The following F11R variants were observed in gnomAD, a reference collection of about 807,000 sequenced individuals.
The protein encoded by F11R is junctional adhesion molecule A.
Under a neutral mutation model 39.3 loss-of-function variants are expected in F11R, and 27 were observed. The observed-to-expected ratio is 0.69, with a 90% CI of 0.51 to 0.95. The LOEUF is 0.95. Among genes scored for constraint, F11R ranks in the 40% least tolerant of loss-of-function variants. The pLI is 0.00. For synonymous variants in F11R, 131 were observed against 144.9 expected, an observed-to-expected ratio of 0.90 and a Z score of 0.69; for missense variants, 335 against 372.7, an observed-to-expected ratio of 0.90 and a Z score of 0.83.
At chr1:161,000,598 T>G in intron 4 of F11R, 33 bp downstream of exon 4, 1 of 1,613,756 alleles carries the variant, frequency 6.2e-7, no homozygotes, top group African/African-American at 1.3e-5. Flanking sequence ...AGTAACTAAC[T>G]CCAGGCCCAC....
chr1:160,996,771 A>C lies in F11R; in HGVS notation c.*2100T>G, dbSNP rs1648149988. On this transcript the variant is annotated 3_prime_UTR_variant, in exon 10 of 10. Transcript: ENST00000368026. ...ACAGAGCGAGACTCCGTCTTTAAAA[A>C]AACAAAACAAAACAAAACAAAAAAC... 1 of 152,290 alleles carries C rather than the reference A, an allele frequency of 6.6e-6. No individual in the cohort carries two copies. The highest frequency in any genetic ancestry group is 1.5e-5 in the Non-Finnish European group (1 of 68,104). 9.4% of individuals were successfully genotyped at this position (152,290 alleles called of 1,614,324 possible). A position where few individuals can be genotyped will look rare whatever the true frequency, so the allele number is the denominator to read the frequency against.
chr1:161,004,316 T>G (rs1176297346), intron 1 of F11R, among the ~76,000 whole-genome samples: 1 of 151,984 alleles, frequency 6.6e-6, no homozygotes, highest in East Asian at 1.9e-4. Flanking sequence ...CCCCAGCACT[T>G]TGGGAGGCCA....
intron 1 of F11R, among the ~76,000 whole-genome samples, chr1:161,017,386 C>A (rs773480069): frequency 1.3e-5 from 2 of 152,204 alleles, no homozygotes; most frequent in African/African-American, 2.4e-5. Flanking sequence ...AGACATTGTA[C>A]GTTCCATCTA....
At chr1:161,012,357 G>A (rs1387319381) in intron 1 of F11R, among the ~76,000 whole-genome samples, 1 of 152,046 alleles carries the variant, frequency 6.6e-6, no homozygotes, top group Non-Finnish European at 1.5e-5. Context: ...GCTTATAATC[G>A]CAGCATTTTG....
At chr1:161,007,236 C>A (rs1258594330) in intron 1 of F11R, among the ~76,000 whole-genome samples, 4 of 150,740 alleles carry the variant, frequency 2.7e-5, no homozygotes, top group Non-Finnish European at 5.9e-5. Flanking sequence ...GAGGCCAAGG[C>A]GGGCAGATCA....
In F11R at chr1:161,002,177, G is replaced by A. The variant is rs184981310; in HGVS notation, c.65-824C>T. On this transcript the variant is annotated intron_variant, in intron 1 of 9. Coordinates refer to ENST00000368026, the MANE Select transcript of F11R (RefSeq NM_016946.6). ...CTTGGGAGGCTGAGGCAGAAGAGTC[G>A]CTTGAACCCGGGAGGCGGAGATTGC... Among the ~76,000 whole-genome samples, 11 of 150,404 alleles carry A rather than the reference G, an allele frequency of 7.3e-5. No individual in the cohort carries two copies. In the East Asian group the frequency reaches 2.0e-3, roughly 27 times the overall value.
intron 1 of F11R, among the ~76,000 whole-genome samples, chr1:161,011,729 CAAAA>C (rs200362096): frequency 1.7e-5 from 2 of 116,326 alleles, no homozygotes; most frequent in African/African-American, 3.5e-5. Context: ...GATTCCACCT[CAAAA>C]AAAAAAAAAA....
Position 160,997,516 on chromosome 1 carries a change from A to T in F11R, c.*1355T>A, listed in dbSNP as rs532784318. ...GGCCTGGCCACAAGAGGGCTCTGGA[A>T]TGAAGGCCTGAAATTCAGAAGCTCT... is the stretch of plus-strand genomic sequence containing the variant. On this transcript the variant is annotated 3_prime_UTR_variant, in exon 10 of 10. Transcript: ENST00000368026. 2.0e-5 allele frequency: 3 copies of T among 152,738 alleles called. No individual in the cohort carries two copies. The highest frequency in any genetic ancestry group is 4.1e-4 in the South Asian group (2 of 4,830). 9.5% of individuals were successfully genotyped at this position (152,738 alleles called of 1,614,324 possible). A position where few individuals can be genotyped will look rare whatever the true frequency, so the allele number is the denominator to read the frequency against.
In F11R at chr1:160,996,100, CTTAA is replaced by C. The variant is rs1648102803; in HGVS notation, c.*2767_*2770del. The stretch of plus-strand genomic sequence containing the variant: ...AGGTAATGGAAAGATATCCTAATCT[CTTAA>C]TTAACAAGACTATCAGGAATATTTT... On this transcript the variant is annotated 3_prime_UTR_variant, in exon 10 of 10. Coordinates refer to ENST00000368026, the MANE Select transcript of F11R (RefSeq NM_016946.6). 1 of 152,312 alleles carries C rather than the reference CTTAA, an allele frequency of 6.6e-6. No homozygotes were observed. The highest frequency in any genetic ancestry group is 2.4e-5 in the African/African-American group (1 of 41,436). The allele number at this position is 152,312 out of a possible 1,614,324, so 9.4% of individuals were successfully genotyped here. A position where few individuals can be genotyped will look rare whatever the true frequency, so the allele number is the denominator to read the frequency against.
At position 161,001,309 on chromosome 1, in the gene F11R, C is replaced by G; in HGVS notation, c.109G>C (p.Glu37Gln). Residue 37 changes from glutamate (E) to glutamine (Q), a missense_variant, in exon 2 of 10, where the codon GAA becomes CAA. Glu to Gln is a conservative substitution (Grantham distance 29). Coordinates refer to ENST00000368026, the MANE Select transcript of F11R (RefSeq NM_016946.6). ...GSVTVHSSEP[E>Q]VRIPENNPVK... Reference sequence around the variant, plus strand: ...CGATTATTCTCAGGAATTCTGACTTCAGGTTCAGAAGAGTGCACTGTAACA... The same window carrying G: ...CGATTATTCTCAGGAATTCTGACTTGAGGTTCAGAAGAGTGCACTGTAACA... The G allele has an allele frequency of 6.2e-7, 1 of 1,614,098 alleles. No homozygotes were observed. The highest frequency in any genetic ancestry group is 2.2e-5 in the East Asian group (1 of 44,870).
intron 1 of F11R, among the ~76,000 whole-genome samples, chr1:161,019,726 T>G (rs1381866639): frequency 6.6e-6 from 1 of 152,044 alleles, no homozygotes; most frequent in Non-Finnish European, 1.5e-5. Flanking sequence ...CCTGAGATGC[T>G]GGATCAAAGA....
rs1360433098 is a variant in F11R, at chr1:161,000,808, G to A, written c.242-31C>T. ...ACAAGAGGAGGCAAGAGCAAGGACA[G>A]AGTGAACTGGAGAGCTAAGGGAGGC... is the stretch of plus-strand genomic sequence containing the variant. On this transcript the variant is annotated intron_variant, in intron 3 of 9. Transcript: ENST00000368026. The A allele has an allele frequency of 2.5e-6, 4 of 1,613,528 alleles. No homozygotes were observed. The African/African-American group carries it at 5.3e-5, about 21-fold the overall frequency.
chr1:161,020,992 GA>G lies in F11R; in HGVS notation c.64+17del, dbSNP rs1048987095. On this transcript the variant is annotated intron_variant, in intron 1 of 9. Coordinates refer to ENST00000368026, the MANE Select transcript of F11R (RefSeq NM_016946.6). ...CTGACCCGACCAACCGATTCCTCCC[GA>G]AACTCTGGGAACTTACACAACAGGA... 6.2e-7 allele frequency: 1 copy of G among 1,613,224 alleles called. No homozygotes were observed. The highest frequency in any genetic ancestry group is 2.2e-5 in the East Asian group (1 of 44,872).
chr1:161,011,296 G>T (rs907113037), intron 1 of F11R, among the ~76,000 whole-genome samples: 14 of 151,888 alleles, frequency 9.2e-5, no homozygotes, highest in African/African-American at 3.1e-4. Context: ...GCCTCCCAAA[G>T]TGCTGGGATT....
At chr1:161,005,540 T>C (rs1272956435) in intron 1 of F11R, among the ~76,000 whole-genome samples, 3 of 151,952 alleles carry the variant, frequency 2.0e-5, no homozygotes, top group African/African-American at 7.3e-5. Flanking sequence ...CCTGGCTAAT[T>C]TTTTGTATTT....
rs1482455159 is a variant in F11R, at chr1:161,015,155, G to A, written c.64+5855C>T. On this transcript the variant is annotated intron_variant, in intron 1 of 9. Transcript: ENST00000368026. Reference sequence around the variant, plus strand: ...CTCATGCCTGTAATCCCAGCATTTTGGGAGGCCGAGGCAGGCAGATCACGA... The same window carrying A: ...CTCATGCCTGTAATCCCAGCATTTTAGGAGGCCGAGGCAGGCAGATCACGA... Among the ~76,000 whole-genome samples the A allele has an allele frequency of 3.3e-5, 5 of 151,594 alleles. No homozygotes were observed. In the East Asian group the frequency reaches 5.8e-4, roughly 18 times the overall value.
In F11R at chr1:160,998,753, G is replaced by A. The variant is rs970510169; in HGVS notation, c.*118C>T. On this transcript the variant is annotated 3_prime_UTR_variant, in exon 10 of 10. Coordinates refer to ENST00000368026, the MANE Select transcript of F11R (RefSeq NM_016946.6). ...AAAAACACATCCGAAGAAGTAGGGG[G>A]CCCTGTGGGGTGTAGAAGACAAATA... 1 of 931,306 alleles carries A rather than the reference G, an allele frequency of 1.1e-6. No individual in the cohort carries two copies. Among genetic ancestry groups the A allele is most frequent in the Non-Finnish European group, 1.7e-6 (1 of 578,366 alleles). 57.7% of individuals were successfully genotyped at this position (931,306 alleles called of 1,614,324 possible).
At chr1:161,003,616 G>A (rs567731806) in intron 1 of F11R, among the ~76,000 whole-genome samples, 9 of 150,998 alleles carry the variant, frequency 6.0e-5, no homozygotes, top group Admixed American at 3.3e-4. Context: ...TCACTCTGTC[G>A]CCCTGGCTAG....
Position 160,999,949 on chromosome 1 carries a change from A to T in F11R, c.621T>A (p.Thr207=). Residue 207 remains threonine, a synonymous_variant, in exon 6 of 10, where the codon ACT becomes ACA. Coordinates refer to ENST00000368026, the MANE Select transcript of F11R (RefSeq NM_016946.6). ...TCCGTGCCTCACAGCTGTATTCTCC[A>T]GTATCAGAGGCTGACAGGGGATCAA... ...LVFDPLSASD[T]GEYSCEARNG... is the part of the protein sequence containing the mutation. 2 of 1,614,208 alleles carry T rather than the reference A, an allele frequency of 1.2e-6. No individual in the cohort carries two copies. The highest frequency in any genetic ancestry group is 1.7e-6 in the Non-Finnish European group (2 of 1,180,042).
Sources: allele counts gnomAD v4.1 joint callset (sites outside exome capture counted in the v4.1 genomes callset), GRCh38; gene constraint gnomAD v4.1.1; transcripts MANE v1.5; gene names NCBI Gene and HGNC (gene_info 2026-07-23, HGNC 2026-07-21).